Variants in LPAR3 observed in about 807,000 individuals in gnomAD.
LPAR3 encodes lysophosphatidic acid receptor 3, also known as LPA receptor 3.
In LPAR3, 7 loss-of-function variants were observed where a neutral mutation model predicts 17.8. The ratio of observed to expected loss-of-function variants is 0.39; its 90% confidence interval spans 0.22 to 0.74. The LOEUF (loss-of-function observed/expected upper bound fraction) is 0.74, where lower values mean the gene tolerates loss of function less well. LPAR3 is among the 30% of genes least tolerant of loss of function. LPAR3 has a pLI of 0.40. For missense variants in LPAR3, 391 were observed against 453.4 expected (o/e 0.86, Z 1.25); for synonymous variants, 179 against 179.9 (o/e 0.99, Z 0.04).
At chr1:84,869,038 A>G (rs1015995062) in intron 1 of LPAR3, among the ~76,000 whole-genome samples, 1 of 152,208 alleles carries the variant, frequency 6.6e-6, no homozygotes, top group Non-Finnish European at 1.5e-5. Flanking sequence ...ATCTTTGACT[A>G]ATTTATTAGA....
intron 2 of LPAR3, among the ~76,000 whole-genome samples, chr1:84,850,753 C>T (rs1659688075): frequency 6.6e-6 from 1 of 152,252 alleles, no homozygotes; most frequent in Non-Finnish European, 1.5e-5. Context: ...CCGGCTCAGG[C>T]CAAGATAACC....
Position 84,814,151 on chromosome 1 carries a change from T to C in LPAR3, c.757A>G (p.Thr253Ala), listed in dbSNP as rs1658883641. The change falls in exon 3 of 3, where the codon ACC (threonine) becomes GCC (alanine). Residue 253 changes from threonine (T) to alanine (A), a missense_variant. Physicochemically the swap from Thr to Ala is moderately conservative, Grantham distance 58. Transcript: ENST00000370611. ...AGGAGCAGAACCACCAGGCCCGGGGTCCAGCATACCACAAACGCCCCTGCA... is the reference window on the plus strand; with the variant it reads ...AGGAGCAGAACCACCAGGCCCGGGGCCCAGCATACCACAAACGCCCCTGCA... Reference protein sequence around the residue: ...TVLGAFVVCWTPGLVVLLLDG... With the variant: ...TVLGAFVVCWAPGLVVLLLDG... The C allele has an allele frequency of 1.2e-6, 2 of 1,613,706 alleles. No individual in the cohort carries two copies.
chr1:84,846,861 G>A (rs1659603019), intron 2 of LPAR3, among the ~76,000 whole-genome samples: 1 of 152,022 alleles, frequency 6.6e-6, no homozygotes, highest in Non-Finnish European at 1.5e-5. Flanking sequence ...ACAAGCAGAA[G>A]AGAAGAAATG....
chr1:84,834,415 T>C (rs960546744), intron 2 of LPAR3, among the ~76,000 whole-genome samples: 1 of 152,220 alleles, frequency 6.6e-6, no homozygotes, highest in African/African-American at 2.4e-5. Context: ...TTGGAGACGA[T>C]AGCAAATGAG....
At chr1:84,851,803 C>T (rs1404560048) in intron 2 of LPAR3, among the ~76,000 whole-genome samples, 1 of 152,196 alleles carries the variant, frequency 6.6e-6, no homozygotes, top group Admixed American at 6.5e-5. Context: ...GGGAACAGGA[C>T]TGGGAAAGCA....
At chr1:84,852,605 G>A (rs1659740266) in intron 2 of LPAR3, among the ~76,000 whole-genome samples, 1 of 152,146 alleles carries the variant, frequency 6.6e-6, no homozygotes. Flanking sequence ...TCTCCTGAAA[G>A]GCTGAGGATG....
In LPAR3 at chr1:84,822,399, C is replaced by A. The variant is rs554515439; in HGVS notation, c.737-8228G>T. Among the ~76,000 whole-genome samples the A allele has an allele frequency of 2.0e-5, 3 of 152,206 alleles. No individual in the cohort carries two copies. In the South Asian group the frequency reaches 6.2e-4, roughly 32 times the overall value. ...AGCATGCTAGAATATTCAATTACAG[C>A]ACTGAGATGATATCTTAATGACTGC... On this transcript the variant is annotated intron_variant, in intron 2 of 2. Transcript: ENST00000370611.
At chr1:84,847,321 T>A (rs140888463) in intron 2 of LPAR3, among the ~76,000 whole-genome samples, 2,207 of 152,348 alleles carry the variant, frequency 0.014, 27 homozygotes, top group Middle Eastern at 0.024. Context: ...AACAGGGATG[T>A]CAGGGCTGTA....
Position 84,813,785 on chromosome 1 carries a change from A to C in LPAR3, c.*61T>G. The C allele has an allele frequency of 7.7e-7, 1 of 1,295,550 alleles. No individual in the cohort carries two copies. The highest frequency in any genetic ancestry group is 1.1e-6 in the Non-Finnish European group (1 of 914,820). 80.3% of individuals were successfully genotyped at this position (1,295,550 alleles called of 1,614,324 possible). A position where few individuals can be genotyped will look rare whatever the true frequency, so the allele number is the denominator to read the frequency against. ...TACATGGGCTTTGTTAGAGACAGGT[A>C]ATCATTCTTAACAGCTCTTTTCCCA... On this transcript the variant is annotated 3_prime_UTR_variant, in exon 3 of 3. Coordinates refer to ENST00000370611, the MANE Select transcript of LPAR3 (RefSeq NM_012152.3).
intron 2 of LPAR3, among the ~76,000 whole-genome samples, chr1:84,847,224 T>G (rs1659609484): frequency 6.6e-6 from 1 of 152,208 alleles, no homozygotes; most frequent in Non-Finnish European, 1.5e-5. Flanking sequence ...TTCCTTTTGT[T>G]TTTTCACTGC....
chr1:84,821,426 G>A (rs1659051756), intron 2 of LPAR3, among the ~76,000 whole-genome samples: 2 of 152,166 alleles, frequency 1.3e-5, no homozygotes. Context: ...AATCAGGGAT[G>A]TGAACAAATC....
intron 2 of LPAR3, among the ~76,000 whole-genome samples, chr1:84,862,712 C>T (rs1380960156): frequency 6.6e-6 from 1 of 152,204 alleles, no homozygotes. Context: ...TTCTATACCA[C>T]ACCACACATA....
intron 1 of LPAR3, among the ~76,000 whole-genome samples, chr1:84,868,365 C>T (rs1660094506): frequency 6.6e-6 from 1 of 152,136 alleles, no homozygotes; most frequent in African/African-American, 2.4e-5. Context: ...CCACCTTGGC[C>T]TCCCAAAGTG....
chr1:84,829,061 G>A (rs1279239052), intron 2 of LPAR3, among the ~76,000 whole-genome samples: 1 of 148,110 alleles, frequency 6.8e-6, no homozygotes, highest in Non-Finnish European at 1.5e-5. Flanking sequence ...CTTTGGAGAG[G>A]TTTTTCTTTG....
rs182264613 is a variant in LPAR3, at chr1:84,854,971, G to A, written c.736+10414C>T. Reference sequence around the variant, plus strand: ...TTCTTTGAGGTAATGGGATCTTTCCGCCACATACTCTGCAGAGTTAACAAC... The same window carrying A: ...TTCTTTGAGGTAATGGGATCTTTCCACCACATACTCTGCAGAGTTAACAAC... On this transcript the variant is annotated intron_variant, in intron 2 of 2. Coordinates refer to ENST00000370611, the MANE Select transcript of LPAR3 (RefSeq NM_012152.3). Among the ~76,000 whole-genome samples the A allele has an allele frequency of 2.7e-3, 416 of 152,264 alleles. 4 individuals are homozygous for A. The highest frequency in any genetic ancestry group is 0.01 in the Middle Eastern group (3 of 294).
intron 2 of LPAR3, among the ~76,000 whole-genome samples, chr1:84,817,131 C>T (rs562282863): frequency 6.6e-6 from 1 of 152,042 alleles, no homozygotes; most frequent in Non-Finnish European, 1.5e-5. Flanking sequence ...TTCTTTGAAC[C>T]CTGCTGGTTC....
Position 84,851,086 on chromosome 1 carries a change from G to T in LPAR3, c.736+14299C>A, listed in dbSNP as rs151191664. On this transcript the variant is annotated intron_variant, in intron 2 of 2. Coordinates refer to ENST00000370611, the MANE Select transcript of LPAR3 (RefSeq NM_012152.3). ...ATCTCTCTGGGCCTCCATTTCCTCA[G>T]ATTTAAAATAATGGCAGCATCACCT... 2.6e-3 allele frequency among the ~76,000 whole-genome samples: 399 copies of T among 152,324 alleles called. 2 individuals are homozygous for T. Among genetic ancestry groups the T allele is most frequent in the Middle Eastern group, 0.01 (3 of 294 alleles).
intron 2 of LPAR3, among the ~76,000 whole-genome samples, chr1:84,839,115 T>C (rs1659459961): frequency 6.6e-6 from 1 of 152,234 alleles, no homozygotes; most frequent in Admixed American, 6.5e-5. Flanking sequence ...GGTATTATCA[T>C]GGTCTCTTTT....
At chr1:84,881,761 AGAG>A (rs1660369410) in intron 1 of LPAR3, among the ~76,000 whole-genome samples, 1 of 152,174 alleles carries the variant, frequency 6.6e-6, no homozygotes, top group Non-Finnish European at 1.5e-5. Context: ...AAGAGGAGGG[AGAG>A]GAGAAGAGAG....
Sources: allele counts gnomAD v4.1 joint callset (sites outside exome capture counted in the v4.1 genomes callset), GRCh38; gene constraint gnomAD v4.1.1; transcripts MANE v1.5; gene names NCBI Gene and HGNC (gene_info 2026-07-23, HGNC 2026-07-21).